DLGAP4: variants seen among roughly 807,000 people sequenced by gnomAD.
DLGAP4 encodes disks large-associated protein 4.
DLGAP4 carries 18 observed loss-of-function variants against 86.9 expected under a neutral mutation model. The observed-to-expected ratio is 0.21, with a 90% confidence interval of 0.14 to 0.31. DLGAP4 has a LOEUF of 0.31. Ranked by LOEUF, DLGAP4 falls within the 10% of genes least tolerant of loss-of-function variation. The probability of loss-of-function intolerance (pLI) is 1.00; values close to 1 mark genes in which losing one functional copy is unlikely to be tolerated. For missense variants in DLGAP4, 1,085 were observed against 1,362.6 expected (o/e 0.80, Z 3.21); for synonymous variants, 548 against 574.3 (o/e 0.95, Z 0.65).
intron 1 of DLGAP4, among the ~76,000 whole-genome samples, chr20:36,317,309 C>T (rs1251842391): frequency 0.85 from 80,623 of 95,150 alleles, 35,005 homozygotes; most frequent in South Asian, 0.96. Context: ...TTCTTTCTTC[C>T]TTCCTTCCTT....
chr20:36,388,782 A>T (rs528695834), intron 2 of DLGAP4, among the ~76,000 whole-genome samples: 1 of 152,262 alleles, frequency 6.6e-6, no homozygotes, highest in African/African-American at 2.4e-5. Flanking sequence ...CCAGGAAGTG[A>T]TAGCTGTTCA....
At chr20:36,384,100 C>T (rs953231886) in intron 2 of DLGAP4, among the ~76,000 whole-genome samples, 3 of 151,306 alleles carry the variant, frequency 2.0e-5, no homozygotes, top group Admixed American at 6.6e-5. Flanking sequence ...ATTGCCACCT[C>T]AGCATGGGGG....
intron 1 of DLGAP4, among the ~76,000 whole-genome samples, chr20:36,355,600 T>C (rs2030301882): frequency 6.6e-6 from 1 of 152,246 alleles, no homozygotes; most frequent in South Asian, 2.1e-4. Flanking sequence ...CCCAGCAGCA[T>C]CATGTTTTTG....
Position 36,500,273 on chromosome 20 carries a change from G to A in DLGAP4, c.2174G>A (p.Ser725Asn), listed in dbSNP as rs2036084133. The A allele has an allele frequency of 6.2e-7, 1 of 1,611,616 alleles. No homozygotes were observed. The highest frequency in any genetic ancestry group is 1.3e-5 in the African/African-American group (1 of 74,450). ...DSDTQDANDS[S>N]CKSSERSLPD... ...GATACCCAGGATGCCAATGACTCAA[G>A]CTGTAAGTCATCTGAGAGGAGCCTC... The change falls in exon 10 of 13, where the codon AGC becomes AAC. Residue 725 changes from serine to asparagine, a missense_variant. Transcript: ENST00000339266. The surrounding 1 kb of genome is among the most constrained non-coding windows in gnomAD (Gnocchi z 4.6).
At chr20:36,430,047 C>T (rs1458885553) in intron 2 of DLGAP4, among the ~76,000 whole-genome samples, 5 of 152,214 alleles carry the variant, frequency 3.3e-5, no homozygotes, top group East Asian at 3.8e-4. Flanking sequence ...CGTACAGGGC[C>T]GGTGGGCTTA....
chr20:36,476,141 G>A (rs768954070), intron 7 of DLGAP4, among the ~76,000 whole-genome samples: 6 of 151,826 alleles, frequency 4.0e-5, no homozygotes, highest in East Asian at 1.9e-4. Context: ...TTACACACGC[G>A]CCCGGCCCTT....
intron 1 of DLGAP4, among the ~76,000 whole-genome samples, chr20:36,343,072 G>A (rs1053420792): frequency 6.6e-6 from 1 of 152,122 alleles, no homozygotes; most frequent in Non-Finnish European, 1.5e-5. Flanking sequence ...CAGCCCTGAG[G>A]GGCCTTCTGG....
intron 10 of DLGAP4, among the ~76,000 whole-genome samples, chr20:36,511,922 T>C (rs1171165430): frequency 6.6e-6 from 1 of 150,974 alleles, no homozygotes; most frequent in East Asian, 1.9e-4. Flanking sequence ...AGCTAGTAGG[T>C]AGAAATGTTT....
chr20:36,341,822 C>T (rs190311091), intron 1 of DLGAP4, among the ~76,000 whole-genome samples: 161 of 152,326 alleles, frequency 1.1e-3, no homozygotes, highest in African/African-American at 3.2e-3. Context: ...TCCCAGCTTC[C>T]GCTCTCCAGC....
intron 7 of DLGAP4, among the ~76,000 whole-genome samples, chr20:36,449,441 G>C (rs1054219827): frequency 2.0e-5 from 3 of 152,178 alleles, no homozygotes; most frequent in Non-Finnish European, 2.9e-5. Context: ...AGACTGGCCC[G>C]CTACAGCCTT....
At chr20:36,480,663 A>G (rs1029623911) in intron 7 of DLGAP4, among the ~76,000 whole-genome samples, 1 of 152,026 alleles carries the variant, frequency 6.6e-6, no homozygotes, top group African/African-American at 2.4e-5. Context: ...GTGAACTATG[A>G]TCACACCCTG....
At chr20:36,512,218 T>C (rs1389155832) in intron 10 of DLGAP4, among the ~76,000 whole-genome samples, 1 of 151,696 alleles carries the variant, frequency 6.6e-6, no homozygotes. Context: ...GCCCAGCTAA[T>C]TTTTTGTAAT....
chr20:36,389,349 G>A (rs2147461643), intron 2 of DLGAP4, among the ~76,000 whole-genome samples: 1 of 152,288 alleles, frequency 6.6e-6, no homozygotes, highest in African/African-American at 2.4e-5. Flanking sequence ...ACCAGCTCTG[G>A]CTGTTTCTCA....
At chr20:36,515,946 G>C (rs2037011601) in intron 10 of DLGAP4, among the ~76,000 whole-genome samples, 2 of 152,128 alleles carry the variant, frequency 1.3e-5, no homozygotes, top group African/African-American at 4.8e-5. Flanking sequence ...AGGCTTTTTT[G>C]TTTCCTTGCA....
At chr20:36,356,472 CA>C (rs2030332647) in intron 1 of DLGAP4, among the ~76,000 whole-genome samples, 1 of 152,102 alleles carries the variant, frequency 6.6e-6, no homozygotes, top group African/African-American at 2.4e-5. Flanking sequence ...CCACTATGCC[CA>C]GCTAATTATT....
intron 1 of DLGAP4, among the ~76,000 whole-genome samples, chr20:36,335,790 G>GC (rs1261682900): frequency 2.0e-5 from 3 of 152,090 alleles, no homozygotes; most frequent in African/African-American, 4.8e-5. Flanking sequence ...GTGTGGAGCT[G>GC]CCCCCTCTGG....
intron 2 of DLGAP4, among the ~76,000 whole-genome samples, chr20:36,387,801 C>T (rs537604343): frequency 6.6e-6 from 1 of 152,320 alleles, no homozygotes; most frequent in African/African-American, 2.4e-5. Flanking sequence ...TATGTTTAAG[C>T]GCCCATGTAT....
At chr20:36,484,529 GTC>G (rs1382525428) in intron 7 of DLGAP4, among the ~76,000 whole-genome samples, 1 of 152,266 alleles carries the variant, frequency 6.6e-6, no homozygotes, top group Non-Finnish European at 1.5e-5. Flanking sequence ...GAGGGTGGCT[GTC>G]TGCACTGTGG....
At chr20:36,526,354 G>A (rs2147876970) in intron 12 of DLGAP4, among the ~76,000 whole-genome samples, 1 of 152,276 alleles carries the variant, frequency 6.6e-6, no homozygotes, top group African/African-American at 2.4e-5. Flanking sequence ...TCTGGAGCCA[G>A]CTCTGTGACC....
Sources: allele counts gnomAD v4.1 joint callset (sites outside exome capture counted in the v4.1 genomes callset), GRCh38; gene constraint gnomAD v4.1.1; non-coding constraint Gnocchi (gnomAD v3.1); transcripts MANE v1.5; gene names NCBI Gene and HGNC (gene_info 2026-07-23, HGNC 2026-07-21).